PIK3CD: variants seen among roughly 807,000 people sequenced by gnomAD.
PIK3CD encodes phosphatidylinositol-4,5-bisphosphate 3-kinase catalytic subunit delta.
In PIK3CD, 20 loss-of-function variants were observed where a neutral mutation model predicts 122.9. The ratio of observed to expected loss-of-function variants is 0.16; its 90% CI spans 0.11 to 0.24. The LOEUF is 0.24. Among genes scored for constraint, PIK3CD ranks in the 10% least tolerant of loss-of-function variants. The pLI is 1.00. For synonymous variants in PIK3CD, 596 were observed against 593.4 expected (o/e 1.00, Z -0.06); for missense variants, 787 against 1,406.3 (o/e 0.56, Z 7.04).
rs1375117381 is a variant in PIK3CD at position 9,715,553 on chromosome 1, C to T, written c.154C>T (p.Arg52Cys). The T allele has an allele frequency of 1.2e-6, 2 of 1,613,258 alleles. No individual in the cohort carries two copies. Among genetic ancestry groups the T allele is most frequent in the Non-Finnish European group, 1.7e-6 (2 of 1,179,968 alleles). The change falls in exon 4 of 24, where the codon CGC becomes TGC. Residue 52 changes from arginine to cysteine, a missense_variant. Arg to Cys is a radical substitution (Grantham distance 180). This residue lies in a region of PIK3CD where 592 missense variants were observed against 920.6 expected (regional missense o/e 0.64). Coordinates refer to ENST00000377346, the MANE Select transcript of PIK3CD (RefSeq NM_005026.5). This position sits in a 1 kb window ranked among gnomAD's most constrained non-coding sequence, Gnocchi z 4.1. ...LSTIKQLLWHRAQYEPLFHML... is the reference protein window; with the variant it reads ...LSTIKQLLWHCAQYEPLFHML... ...ACTGTCCCTCCAGCTGCTGTGGCAC[C>T]GCGCCCAGTATGAGCCGCTCTTCCA...
intron 2 of PIK3CD, among the ~76,000 whole-genome samples, chr1:9,703,973 G>A (rs559679627): frequency 1.9e-4 from 29 of 152,286 alleles, no homozygotes; most frequent in African/African-American, 4.3e-4. Flanking sequence ...ACTGGTTTGC[G>A]TTCTTGGGGC....
intron 2 of PIK3CD, among the ~76,000 whole-genome samples, chr1:9,705,806 T>C (rs1156391725): frequency 6.6e-6 from 1 of 152,126 alleles, no homozygotes; most frequent in Non-Finnish European, 1.5e-5. Context: ...ATGAGTAAAT[T>C]TGACAATACC....
rs775716685 is a variant in PIK3CD at position 9,718,840 on chromosome 1, T to G, written c.1167T>G (p.Arg389=). The change falls in exon 9 of 24, where the codon CGT becomes CGG. Residue 389 remains arginine, a synonymous_variant. Coordinates refer to ENST00000377346, the MANE Select transcript of PIK3CD (RefSeq NM_005026.5). The surrounding 1 kb of genome is among the most constrained non-coding windows in gnomAD (Gnocchi z 7.2). Reference sequence around the variant, plus strand: ...TCTGCGACCTGCCCCGCATGGCCCGTCTCTGCTTTGCGCTGTACGCCGTGA... The same window carrying G: ...TCTGCGACCTGCCCCGCATGGCCCGGCTCTGCTTTGCGCTGTACGCCGTGA... ...INICDLPRMA[R]LCFALYAVIE... is the part of the protein sequence containing the mutation. 3 of 1,612,590 alleles carry G rather than the reference T, an allele frequency of 1.9e-6. No individual in the cohort carries two copies. The highest frequency in any genetic ancestry group is 1.7e-6 in the Non-Finnish European group (2 of 1,179,924).
intron 1 of PIK3CD, among the ~76,000 whole-genome samples, chr1:9,670,989 C>G (rs1417295309): frequency 6.6e-6 from 1 of 152,056 alleles, no homozygotes; most frequent in African/African-American, 2.4e-5. Context: ...AACTTCTTAC[C>G]TCAAGTGATC....
upstream of PIK3CD, among the ~76,000 whole-genome samples, chr1:9,648,283 T>C (rs1644625479): frequency 1.3e-5 from 2 of 152,342 alleles, no homozygotes; most frequent in South Asian, 2.1e-4. Flanking sequence ...ATCTTAGCGC[T>C]TGACAACTTG....
the PIK3CD span, among the ~76,000 whole-genome samples, chr1:9,644,959 T>C: frequency 2.0e-5 from 3 of 152,010 alleles, no homozygotes; most frequent in African/African-American, 7.2e-5. Context: ...AGAAGCACAC[T>C]GCAGGCCCTT....
chr1:9,654,364 G>T lies in PIK3CD; in HGVS notation c.-138+2562G>T, dbSNP rs769005420. The T allele has an allele frequency of 2.9e-6, 4 of 1,367,438 alleles. No individual in the cohort carries two copies. In the East Asian group the frequency reaches 1.4e-4, roughly 47 times the overall value. 84.7% of individuals were successfully genotyped at this position (1,367,438 alleles called of 1,614,324 possible). On this transcript the variant is annotated intron_variant, in intron 1 of 23. Coordinates refer to ENST00000377346, the MANE Select transcript of PIK3CD (RefSeq NM_005026.5). The stretch of plus-strand genomic sequence containing the variant: ...CGTTTCTCCTCCGATACCATGTTTA[G>T]CAAGTGTTTCCTGAGATCACACGGG...
chr1:9,721,278 TCC>T (rs769433316), intron 14 of PIK3CD, 30 bp downstream of exon 14: 2 of 1,612,784 alleles, frequency 1.2e-6, no homozygotes, highest in Non-Finnish European at 1.7e-6. Context: ...TCCCCACTTC[TCC>T]AGAGGGCAGC....
At chr1:9,726,347 A>G (rs1649598886) in intron 23 of PIK3CD, among the ~76,000 whole-genome samples, 1 of 152,022 alleles carries the variant, frequency 6.6e-6, no homozygotes, top group South Asian at 2.1e-4. Context: ...TCTCTACTAA[A>G]AAATACAAAA....
rs953496200 is a variant in PIK3CD, at chr1:9,707,779, A to AT, written c.-32-2633dup. On this transcript the variant is annotated intron_variant, in intron 2 of 23. Coordinates refer to ENST00000377346, the MANE Select transcript of PIK3CD (RefSeq NM_005026.5). Reference sequence around the variant, plus strand: ...GCCATGTGTGTATTCGCCTGGGTAAATTTTTTTTTTTTATAATTTTGTTTT... The same window carrying AT: ...GCCATGTGTGTATTCGCCTGGGTAAATTTTTTTTTTTTTATAATTTTGTTTT... Among the ~76,000 whole-genome samples the AT allele has an allele frequency of 2.9e-3, 419 of 143,506 alleles. 3 individuals are homozygous for AT. Among genetic ancestry groups the AT allele is most frequent in the South Asian group, 0.021 (92 of 4,408 alleles). 94.1% of individuals were successfully genotyped at this position (143,506 alleles called of 152,430 possible). A position where few individuals can be genotyped will look rare whatever the true frequency, so the allele number is the denominator to read the frequency against.
At position 9,720,685 on chromosome 1, in the gene PIK3CD, T is replaced by TG; in HGVS notation, c.1521+30dup. ...AGGTGAGTGGGGTGGGGGTGTGGGG[T>TG]GGGGGGCATGGAGCCGGCGTGGAAC... On this transcript the variant is annotated intron_variant, in intron 12 of 23. Transcript: ENST00000377346. This position sits in a 1 kb window ranked among gnomAD's most constrained non-coding sequence, Gnocchi z 9.0. 6.7e-6 allele frequency: 1 copy of TG among 149,394 alleles called. No individual in the cohort carries two copies. Among genetic ancestry groups the TG allele is most frequent in the Non-Finnish European group, 1.2e-5 (1 of 82,746 alleles). 9.3% of individuals were successfully genotyped at this position (149,394 alleles called of 1,614,324 possible). A position where few individuals can be genotyped will look rare whatever the true frequency, so the allele number is the denominator to read the frequency against.
chr1:9,630,739 T>TGTGTGTGTGTGTGCGCGC, the PIK3CD span, among the ~76,000 whole-genome samples: 488 of 150,938 alleles, frequency 3.2e-3, 6 homozygotes, highest in Admixed American at 0.022. Flanking sequence ...TGTGTGTGTG[T>TGTGTGTGTGTGTGCGCGC]GCAGAAGAGG....
rs965018585 is a variant in PIK3CD, at chr1:9,704,674, G to A, written c.-32-5750G>A. ...ACTACAGGCGTGAGCCACCATGACC[G>A]GCTAATTTTTGTATTTTGTGTAGAG... On this transcript the variant is annotated intron_variant, in intron 2 of 23. Coordinates refer to ENST00000377346, the MANE Select transcript of PIK3CD (RefSeq NM_005026.5). The surrounding 1 kb of genome is among the most constrained non-coding windows in gnomAD (Gnocchi z 5.0). 2.0e-5 allele frequency among the ~76,000 whole-genome samples: 3 copies of A among 151,942 alleles called. No individual in the cohort carries two copies. The highest frequency in any genetic ancestry group is 7.3e-5 in the African/African-American group (3 of 41,368).
In PIK3CD at chr1:9,719,917, G is replaced by T. The variant is rs751422185; in HGVS notation, c.1243-4G>T. The T allele has an allele frequency of 1.9e-6, 3 of 1,613,188 alleles. No homozygotes were observed. Among genetic ancestry groups the T allele is most frequent in the Non-Finnish European group, 2.5e-6 (3 of 1,179,646 alleles). ...CTGTCCTCACCTGCCCTGTCCTTCT[G>T]CAGGACTGCCCCATTGCCTGGGCCA... On this transcript the variant is annotated splice_polypyrimidine_tract_variant and splice_region_variant and intron_variant, in intron 9 of 23. Transcript: ENST00000377346. The surrounding 1 kb of genome is among the most constrained non-coding windows in gnomAD (Gnocchi z 5.5).
chr1:9,722,542 A>T lies in PIK3CD; in HGVS notation c.2362A>T (p.Met788Leu). Residue 788 changes from methionine to leucine, a missense_variant, in exon 19 of 24, where the codon ATG becomes TTG. Around this residue, in one of 6 missense-constraint regions of PIK3CD, gnomAD observed 69 missense variants for 166.8 expected, o/e 0.41. Transcript: ENST00000377346. This position sits in a 1 kb window ranked among gnomAD's most constrained non-coding sequence, Gnocchi z 7.6. ...CGGTGGCACAGACCTCCGGCAGGAC[A>T]TGCTGACCCTGCAGATGATCCAGCT... is the stretch of plus-strand genomic sequence containing the variant. ...FKNGDDLRQD[M>L]LTLQMIQLMD... The T allele has an allele frequency of 6.2e-7, 1 of 1,613,494 alleles. No individual in the cohort carries two copies. Among genetic ancestry groups the T allele is most frequent in the Non-Finnish European group, 8.5e-7 (1 of 1,179,866 alleles).
Position 9,720,050 on chromosome 1 carries a change from G to A in PIK3CD, c.1339+33G>A, listed in dbSNP as rs1648260297. The A allele has an allele frequency of 6.2e-7, 1 of 1,613,352 alleles. No individual in the cohort carries two copies. The highest frequency in any genetic ancestry group is 8.5e-7 in the Non-Finnish European group (1 of 1,179,986). On this transcript the variant is annotated intron_variant, in intron 10 of 23. Transcript: ENST00000377346. The surrounding 1 kb of genome is among the most constrained non-coding windows in gnomAD (Gnocchi z 9.0). ...CAGGCCCAGGAGGGAGAGGCGTTGG[G>A]AGTGTGAGGGTCCCAGAGATGCTGG...
the PIK3CD span, among the ~76,000 whole-genome samples, chr1:9,632,861 C>CTTTT: frequency 7.8e-6 from 1 of 128,644 alleles, no homozygotes; most frequent in Admixed American, 8.0e-5. Flanking sequence ...CAACCTGATT[C>CTTTT]TTTTTTTTTT....
At position 9,720,679 on chromosome 1, in the gene PIK3CD, G is replaced by A. The variant is rs1648429045; in HGVS notation, c.1521+18G>A. 1 of 1,537,544 alleles carries A rather than the reference G, an allele frequency of 6.5e-7. No individual in the cohort carries two copies. Among genetic ancestry groups the A allele is most frequent in the African/African-American group, 1.4e-5 (1 of 71,468 alleles). ...AGGAGGAGGTGAGTGGGGTGGGGGTGTGGGGTGGGGGGCATGGAGCCGGCG... is the reference window on the plus strand; with the variant it reads ...AGGAGGAGGTGAGTGGGGTGGGGGTATGGGGTGGGGGGCATGGAGCCGGCG... On this transcript the variant is annotated intron_variant, in intron 12 of 23. Coordinates refer to ENST00000377346, the MANE Select transcript of PIK3CD (RefSeq NM_005026.5). This position sits in a 1 kb window ranked among gnomAD's most constrained non-coding sequence, Gnocchi z 9.0.
chr1:9,642,542 C>G, the PIK3CD span, among the ~76,000 whole-genome samples: 1 of 149,170 alleles, frequency 6.7e-6, no homozygotes, highest in Admixed American at 6.7e-5. Flanking sequence ...ATGGTGAAAC[C>G]CTGTCTCTAC....
Sources: gnomAD v4.1 joint callset for allele counts (sites outside exome capture counted in the v4.1 genomes callset) on GRCh38, gnomAD v4.1.1 for gene constraint, gnomAD v4.1.1 regional missense constraint, Gnocchi (gnomAD v3.1) non-coding constraint, MANE v1.5 for transcripts, NCBI Gene and HGNC (gene_info 2026-07-23, HGNC 2026-07-21) for gene names.